The following CYFIP2 variants were observed in gnomAD, a reference collection of about 807,000 sequenced individuals.
The protein encoded by CYFIP2 is cytoplasmic FMR1 interacting protein 2.
CYFIP2 carries 29 observed loss-of-function variants against 158.7 expected under a neutral mutation model. The ratio of observed to expected loss-of-function variants is 0.18; its 90% CI spans 0.14 to 0.25. The LOEUF (loss-of-function observed/expected upper bound fraction) is 0.25, where lower values mean the gene tolerates loss of function less well. Among genes scored for constraint, CYFIP2 ranks in the 10% least tolerant of loss-of-function variants. The pLI, the probability that CYFIP2 is intolerant of heterozygous loss-of-function variation, is 1.00. For missense variants in CYFIP2, 852 were observed against 1,639.5 expected (o/e 0.52, Z 8.29); for synonymous variants, 585 against 617.6 (o/e 0.95, Z 0.78).
chr5:157,386,945 A>AT (rs1259673476), intron 28 of CYFIP2, among the ~76,000 whole-genome samples: 3 of 151,688 alleles, frequency 2.0e-5, no homozygotes, highest in Non-Finnish European at 2.9e-5. Flanking sequence ...AAAAAAAAAA[A>AT]AAGGATGGTG....
At chr5:157,360,092 G>A (rs1763704353) in intron 24 of CYFIP2, among the ~76,000 whole-genome samples, 190 bp from the exon 25 acceptor site, 1 of 152,208 alleles carries the variant, frequency 6.6e-6, no homozygotes, top group South Asian at 2.1e-4. Context: ...CTTGAAGTCT[G>A]TAAGCCCAAG....
intron 28 of CYFIP2, 186 bp downstream of exon 28, chr5:157,383,545 G>T (rs1766340348): frequency 3.6e-6 from 2 of 558,090 alleles, no homozygotes; most frequent in Middle Eastern, 3.0e-4. Flanking sequence ...TGACTCTCAG[G>T]CCTGAGTGTT....
Position 157,390,613 on chromosome 5 carries a change from A to C in CYFIP2, c.3539A>C (p.Tyr1180Ser). The change falls in exon 30 of 31, where the codon TAC becomes TCC. Residue 1180 changes from tyrosine (Y) to serine (S), a missense_variant. Physicochemically the swap from Tyr to Ser is moderately radical, Grantham distance 144. Coordinates refer to ENST00000620254, the MANE Select transcript of CYFIP2 (RefSeq NM_001037333.3). ...CGCTTTGACCTGTTCGACTTCTGTT[A>C]CCACCTGCTAAAAGTGCAGAGGCAG... is the stretch of plus-strand genomic sequence containing the variant. ...QRRFDLFDFC[Y>S]HLLKVQRQDG... 1.3e-6 allele frequency: 2 copies of C among 1,575,128 alleles called. No homozygotes were observed. The highest frequency in any genetic ancestry group is 1.7e-6 in the Non-Finnish European group (2 of 1,159,906).
chr5:157,358,740 C>G (rs957469600), intron 23 of CYFIP2, among the ~76,000 whole-genome samples: 2 of 152,190 alleles, frequency 1.3e-5, no homozygotes, highest in African/African-American at 4.8e-5. Flanking sequence ...TGGCAGGAAT[C>G]CCTGTAAAAG....
At chr5:157,390,796 A>G (rs533793247) in intron 30 of CYFIP2, 128 bp downstream of exon 30, 29 of 1,439,578 alleles carry the variant, frequency 2.0e-5, no homozygotes, top group African/African-American at 1.2e-4. Context: ...CAAAGATACT[A>G]TAGGCTGGGG....
chr5:157,278,287 G>C (rs1756723117), intron 1 of CYFIP2, among the ~76,000 whole-genome samples: 1 of 152,160 alleles, frequency 6.6e-6, no homozygotes, highest in Non-Finnish European at 1.5e-5. Context: ...TACGGACATG[G>C]AAAATATTTC....
chr5:157,359,622 A>G (rs1026304961), intron 24 of CYFIP2, among the ~76,000 whole-genome samples: 2 of 152,200 alleles, frequency 1.3e-5, no homozygotes, highest in African/African-American at 4.8e-5. Context: ...CACTGGCTTC[A>G]AGAGAGTTCT....
At chr5:157,271,280 G>A (rs1010661336) in intron 1 of CYFIP2, 2 of 152,252 alleles carry the variant, frequency 1.3e-5, no homozygotes, top group Admixed American at 6.5e-5. Flanking sequence ...CTTAACACAT[G>A]TCTTTAAGGA....
At chr5:157,298,075 C>T (rs1202082583) in intron 5 of CYFIP2, among the ~76,000 whole-genome samples, 1 of 152,224 alleles carries the variant, frequency 6.6e-6, no homozygotes, top group East Asian at 1.9e-4. Flanking sequence ...CAGAGTGGAG[C>T]TCAATCGGGG....
intron 29 of CYFIP2, 115 bp downstream of exon 29, chr5:157,389,542 A>G (rs1188798641): frequency 2.1e-6 from 2 of 937,704 alleles, no homozygotes; most frequent in Admixed American, 2.7e-5. Flanking sequence ...TGGTTGGCCA[A>G]CAACTACTTT....
At position 157,333,384 on chromosome 5, in the gene CYFIP2, A is replaced by G. The variant is rs915714723; in HGVS notation, c.2323A>G (p.Met775Val). The change falls in exon 21 of 31, where the codon ATG (methionine) becomes GTG (valine). Residue 775 changes from methionine to valine, a missense_variant. Met to Val is a conservative substitution (Grantham distance 21, BLOSUM62 1). Coordinates refer to ENST00000620254, the MANE Select transcript of CYFIP2 (RefSeq NM_001037333.3). ...RLITQRISAAMYKSLDQAISR... is the reference protein window; with the variant it reads ...RLITQRISAAVYKSLDQAISR... Reference sequence around the variant, plus strand: ...CATTACCCAGCGCATCTCTGCCGCCATGTATAAATCCTTGGACCAAGCTAT... The same window carrying G: ...CATTACCCAGCGCATCTCTGCCGCCGTGTATAAATCCTTGGACCAAGCTAT... 25 of 1,613,926 alleles carry G rather than the reference A, an allele frequency of 1.5e-5. No homozygotes were observed. In the African/African-American group the frequency reaches 2.0e-4, roughly 13 times the overall value.
intron 28 of CYFIP2, 137 bp downstream of exon 28, chr5:157,383,496 T>C (rs2113517625): frequency 2.8e-6 from 2 of 702,134 alleles, no homozygotes; most frequent in South Asian, 1.8e-5. Context: ...AAAAACTGGT[T>C]AATATTAATA....
chr5:157,310,973 T>A, intron 10 of CYFIP2: 1 of 455,930 alleles, frequency 2.2e-6, no homozygotes, highest in Non-Finnish European at 4.4e-6. Flanking sequence ...GTGAAGATGT[T>A]CATTCATTCA....
intron 21 of CYFIP2, among the ~76,000 whole-genome samples, chr5:157,337,736 T>C (rs1055196664): frequency 6.6e-6 from 1 of 152,254 alleles, no homozygotes; most frequent in Non-Finnish European, 1.5e-5. Flanking sequence ...CAGCCGACCC[T>C]ATGGTCATCC....
chr5:157,280,200 T>TTGTG lies in CYFIP2; in HGVS notation c.-23-5126_-23-5123dup, dbSNP rs375152190. 9.9e-5 allele frequency among the ~76,000 whole-genome samples: 15 copies of TTGTG among 151,534 alleles called. 1 individual carries two copies. Among genetic ancestry groups the TTGTG allele is most frequent in the Admixed American group, 7.2e-4 (11 of 15,184 alleles). ...TGGTTATTCTGGTAAATGAGTATTT[T>TTGTG]TGTGTGTGTGTGTGTGATGAAGTTT... On this transcript the variant is annotated intron_variant, in intron 1 of 30. Transcript: ENST00000620254.
rs1298505675 is a variant in CYFIP2 at position 157,311,509 on chromosome 5, G to A, written c.993-155G>A. On this transcript the variant is annotated intron_variant, in intron 10 of 30. Transcript: ENST00000620254. The surrounding 1 kb of genome is among the most constrained non-coding windows in gnomAD (Gnocchi z 4.7). The stretch of plus-strand genomic sequence containing the variant: ...TAGGCCTGAAGCTCCCACAGTGTTG[G>A]ACTTAGCAGGCTTTCTTGCTGAGGC... 1.6e-6 allele frequency: 1 copy of A among 636,542 alleles called. No individual in the cohort carries two copies. Among genetic ancestry groups the A allele is most frequent in the Non-Finnish European group, 2.8e-6 (1 of 355,550 alleles). The allele number at this position is 636,542 out of a possible 1,614,324, so 39.4% of individuals were successfully genotyped here.
rs267600515 is a variant in CYFIP2, at chr5:157,314,395, G to C, written c.1162G>C (p.Glu388Gln). ...CCAGAAGTCAGACGAGGAGTATCGCGAGCTCTTCGACCTAGCCCTGCGGGG... is the reference window on the plus strand; with the variant it reads ...CCAGAAGTCAGACGAGGAGTATCGCCAGCTCTTCGACCTAGCCCTGCGGGG... ...DSQKSDEEYR[E>Q]LFDLALRGLQ... The change falls in exon 12 of 31, where the codon GAG becomes CAG. Residue 388 changes from glutamate (E) to glutamine (Q), a missense_variant. This residue lies in a region of CYFIP2 where 133 missense variants were observed against 197.1 expected (regional missense o/e 0.67). Transcript: ENST00000620254. 2.5e-6 allele frequency: 4 copies of C among 1,613,926 alleles called. No homozygotes were observed. Among genetic ancestry groups the C allele is most frequent in the Non-Finnish European group, 8.5e-7 (1 of 1,179,874 alleles).
rs1324318795 is a variant in CYFIP2 at position 157,393,415 on chromosome 5, T to C, written c.*415T>C. Reference sequence around the variant, plus strand: ...ACTCAAGTCTCAGACTGTGAACAGATGTGGCCATGCCCAGAGACGCCAGCC... The same window carrying C: ...ACTCAAGTCTCAGACTGTGAACAGACGTGGCCATGCCCAGAGACGCCAGCC... On this transcript the variant is annotated 3_prime_UTR_variant, in exon 31 of 31. Transcript: ENST00000620254. 6.4e-6 allele frequency: 1 copy of C among 157,378 alleles called. No individual in the cohort carries two copies. The highest frequency in any genetic ancestry group is 1.4e-5 in the Non-Finnish European group (1 of 71,744). 9.7% of individuals were successfully genotyped at this position (157,378 alleles called of 1,614,324 possible).
At chr5:157,385,202 C>G (rs1766555818) in intron 28 of CYFIP2, among the ~76,000 whole-genome samples, 1 of 152,218 alleles carries the variant, frequency 6.6e-6, no homozygotes, top group Non-Finnish European at 1.5e-5. Flanking sequence ...ACTTAGAGGA[C>G]TGTGAATTCC....
Sources: gnomAD v4.1 joint callset for allele counts (sites outside exome capture counted in the v4.1 genomes callset) on GRCh38, gnomAD v4.1.1 for gene constraint, gnomAD v4.1.1 regional missense constraint, Gnocchi (gnomAD v3.1) non-coding constraint, MANE v1.5 for transcripts, NCBI Gene and HGNC (gene_info 2026-07-23, HGNC 2026-07-21) for gene names.